Variants in DHRSX observed in about 807,000 individuals in gnomAD.
The protein encoded by DHRSX is dehydrogenase/reductase X-linked.
A neutral mutation model predicts 34.0 loss-of-function variants in DHRSX; 31 were observed. The ratio of observed to expected loss-of-function variants is 0.91; its 90% CI spans 0.69 to 1.23. The LOEUF is 1.23. Among genes scored for constraint, DHRSX ranks in the 50% most tolerant of loss-of-function variants. The pLI is 0.00. For missense variants in DHRSX, 414 were observed against 428.1 expected (o/e 0.97, Z 0.29); for synonymous variants, 201 against 183.8 (o/e 1.09, Z -0.76).
chrX:2,459,797 A>C (rs1487930471), intron 1 of DHRSX, among the ~76,000 whole-genome samples: 1 of 151,696 alleles, frequency 6.6e-6, no homozygotes, highest in Non-Finnish European at 1.5e-5. Flanking sequence ...AAAGGATTCC[A>C]GTTATGTGCT....
At chrX:2,298,612 A>ACACACACACACACACACACGCG (rs1569485197) in intron 3 of DHRSX, among the ~76,000 whole-genome samples, 3 of 57,208 alleles carry the variant, frequency 5.2e-5, no homozygotes, top group African/African-American at 1.6e-4. Flanking sequence ...ACACACACAC[A>ACACACACACACACACACACGCG]CACACACACA....
chrX:2,500,894 A>T lies in DHRSX; in HGVS notation c.32T>A (p.Leu11Gln), dbSNP rs2045411538. The change falls in exon 1 of 7, where the codon CTG (leucine) becomes CAG (glutamine). Residue 11 changes from leucine (L) to glutamine (Q), a missense_variant. Physicochemically the swap from Leu to Gln is moderately radical, Grantham distance 113. Transcript: ENST00000334651. ...CGCGGCGCCTACCGCGTAGACCCGC[A>T]GGGCCGCCCGCGCCGCAGACAATGG... MSPLSAARAA[L>Q]RVYAVGAAVI... The T allele has an allele frequency of 8.8e-7, 1 of 1,133,126 alleles. No individual in the cohort carries two copies. Among genetic ancestry groups the T allele is most frequent in the Non-Finnish European group, 1.1e-6 (1 of 921,372 alleles). 70.2% of individuals were successfully genotyped at this position (1,133,126 alleles called of 1,614,324 possible).
rs372368746 is a variant in DHRSX, at chrX:2,221,011, T to C, written c.*30A>G. 6.2e-7 allele frequency: 1 copy of C among 1,607,396 alleles called. No homozygotes were observed. The highest frequency in any genetic ancestry group is 1.3e-5 in the African/African-American group (1 of 74,820). Reference sequence around the variant, plus strand: ...GCTATTGGCAGGTGCAATGTGTTTCTTGGGGCAGCAGCTATCCTGAGACAG... The same window carrying C: ...GCTATTGGCAGGTGCAATGTGTTTCCTGGGGCAGCAGCTATCCTGAGACAG... On this transcript the variant is annotated 3_prime_UTR_variant, in exon 7 of 7. Transcript: ENST00000334651.
At chrX:2,304,204 A>ATAGATGGATGGATGG (rs2042067645) in intron 3 of DHRSX, among the ~76,000 whole-genome samples, 2 of 62,048 alleles carry the variant, frequency 3.2e-5, no homozygotes, top group Non-Finnish European at 2.9e-5. Flanking sequence ...TGGATGGATA[A>ATAGATGGATGGATGG]ATGGATGGAT....
rs2016329530 is a variant in DHRSX, at chrX:2,247,640, T to C, written c.597-4410A>G. Among the ~76,000 whole-genome samples the C allele has an allele frequency of 2.6e-5, 3 of 115,602 alleles. No individual in the cohort carries two copies. In the South Asian group the frequency reaches 8.1e-4, roughly 31 times the overall value. The allele number at this position is 115,602 out of a possible 152,430, so 75.8% of individuals were successfully genotyped here. A position where few individuals can be genotyped will look rare whatever the true frequency, so the allele number is the denominator to read the frequency against. ...CTGCACTCCAGCCTTGGTGATAGAG[T>C]GAAACTCCGTCTCACAAAAAAAAAA... On this transcript the variant is annotated intron_variant, in intron 5 of 6. Transcript: ENST00000334651.
intron 4 of DHRSX, among the ~76,000 whole-genome samples, chrX:2,283,924 GAA>G (rs2041767680): frequency 8.9e-5 from 3 of 33,632 alleles, no homozygotes; most frequent in Non-Finnish European, 2.3e-4. Context: ...TCATTCCTTT[GAA>G]TTCACTCATT....
intron 4 of DHRSX, among the ~76,000 whole-genome samples, chrX:2,267,231 C>A (rs2041487216): frequency 6.6e-6 from 1 of 152,180 alleles, no homozygotes; most frequent in Non-Finnish European, 1.5e-5. Flanking sequence ...CCTGTCATCC[C>A]AGCACTTTGG....
At chrX:2,453,372 A>C (rs1039794255) in intron 1 of DHRSX, among the ~76,000 whole-genome samples, 16 of 152,000 alleles carry the variant, frequency 1.1e-4, no homozygotes, top group Admixed American at 2.0e-4. Context: ...CATCTCTAAA[A>C]AAAAAAAACA....
chrX:2,301,595 C>T (rs191791456), intron 3 of DHRSX, among the ~76,000 whole-genome samples: 3 of 152,252 alleles, frequency 2.0e-5, no homozygotes, highest in African/African-American at 4.8e-5. Flanking sequence ...TGTATGATCA[C>T]GGCTGGTTGC....
intron 3 of DHRSX, among the ~76,000 whole-genome samples, chrX:2,303,772 AATGG>A (rs1205313955): frequency 1.6e-5 from 1 of 61,758 alleles, no homozygotes; most frequent in African/African-American, 8.1e-5. Context: ...TGGATGGATA[AATGG>A]ATGGATGGAT....
At chrX:2,403,776 A>T (rs2043517832) in intron 3 of DHRSX, among the ~76,000 whole-genome samples, 1 of 151,636 alleles carries the variant, frequency 6.6e-6, no homozygotes, top group South Asian at 2.1e-4. Flanking sequence ...GAATCGCTTG[A>T]ACCCGGGAGG....
chrX:2,233,371 CTT>C (rs372617994), intron 6 of DHRSX, among the ~76,000 whole-genome samples: 123,996 of 149,604 alleles, frequency 0.83, 51,578 homozygotes, highest in East Asian at 0.94. Flanking sequence ...TTATCTACAG[CTT>C]TTTTTTTTTT....
chrX:2,348,509 C>A (rs1381401090), intron 3 of DHRSX, among the ~76,000 whole-genome samples: 1 of 151,880 alleles, frequency 6.6e-6, no homozygotes, highest in Non-Finnish European at 1.5e-5. Flanking sequence ...TAGAAAGGCT[C>A]AAAAGGATGG....
chrX:2,411,378 A>G (rs903824006), intron 2 of DHRSX, among the ~76,000 whole-genome samples: 14 of 151,760 alleles, frequency 9.2e-5, no homozygotes, highest in African/African-American at 3.4e-4. Context: ...AGGAAACCCC[A>G]TCTCTACTAA....
chrX:2,266,251 A>G, intron 5 of DHRSX, among the ~76,000 whole-genome samples: 1 of 140,596 alleles, frequency 7.1e-6, no homozygotes, highest in Admixed American at 7.0e-5. Flanking sequence ...CAGCAGACGC[A>G]GGGAGCACTG....
intron 1 of DHRSX, among the ~76,000 whole-genome samples, chrX:2,495,106 G>A (rs1357759933): frequency 6.7e-6 from 1 of 149,908 alleles, no homozygotes; most frequent in Non-Finnish European, 1.5e-5. Context: ...TGAAGCAAAG[G>A]TTTATATTCT....
At chrX:2,246,935 G>C (rs1234773220) in intron 5 of DHRSX, among the ~76,000 whole-genome samples, 2 of 149,304 alleles carry the variant, frequency 1.3e-5, no homozygotes, top group Non-Finnish European at 2.9e-5. Context: ...CTGGGGAACA[G>C]AGACTGATGT....
At chrX:2,442,499 G>C (rs1236486609) in intron 1 of DHRSX, among the ~76,000 whole-genome samples, 1 of 151,644 alleles carries the variant, frequency 6.6e-6, no homozygotes, top group African/African-American at 2.4e-5. Context: ...GTTCCATCCA[G>C]GTATGGATAA....
At chrX:2,472,658 A>G (rs1312665487) in intron 1 of DHRSX, among the ~76,000 whole-genome samples, 1 of 152,086 alleles carries the variant, frequency 6.6e-6, no homozygotes, top group Non-Finnish European at 1.5e-5. Context: ...AATCTCAGCT[A>G]CCTTACAGGC....
Sources: gnomAD v4.1 joint callset for allele counts (sites outside exome capture counted in the v4.1 genomes callset) on GRCh38, gnomAD v4.1.1 for gene constraint, MANE v1.5 for transcripts, NCBI Gene and HGNC (gene_info 2026-07-23, HGNC 2026-07-21) for gene names.